INPP5A: variants seen among roughly 807,000 people sequenced by gnomAD.
INPP5A encodes 43 kDa inositol polyphosphate 5-phophatase.
INPP5A carries 14 observed loss-of-function variants against 65.2 expected under a neutral mutation model. The ratio of observed to expected loss-of-function variants is 0.21; its 90% confidence interval spans 0.14 to 0.34. INPP5A has a LOEUF of 0.34. Ranked by LOEUF, INPP5A falls within the 10% of genes least tolerant of loss-of-function variation. INPP5A has a pLI of 1.00. For missense variants in INPP5A, 431 were observed against 545.6 expected (o/e 0.79, Z 2.09); for synonymous variants, 207 against 208.3 (o/e 0.99, Z 0.05).
chr10:132,739,714 C>T (rs1353974524), intron 9 of INPP5A, among the ~76,000 whole-genome samples: 4 of 152,196 alleles, frequency 2.6e-5, no homozygotes, highest in Non-Finnish European at 5.9e-5. Flanking sequence ...AGTCTGGAGC[C>T]TCCGGGAGTT....
chr10:132,725,635 A>G (rs2767455), intron 8 of INPP5A, among the ~76,000 whole-genome samples: 151,326 of 152,368 alleles, frequency 0.99, 75,149 homozygotes, highest in Middle Eastern at 1. Flanking sequence ...ACCAGCTCCA[A>G]GAGGGCACAG....
intron 1 of INPP5A, among the ~76,000 whole-genome samples, chr10:132,554,103 T>A (rs888077394): frequency 4.6e-5 from 7 of 152,062 alleles, no homozygotes; most frequent in Non-Finnish European, 1.0e-4. Context: ...TGGTGGAATA[T>A]TGAGTGGGAT....
chr10:132,568,863 T>C (rs2071303964), intron 1 of INPP5A, among the ~76,000 whole-genome samples: 1 of 151,654 alleles, frequency 6.6e-6, no homozygotes, highest in Non-Finnish European at 1.5e-5. Context: ...TTACTACATA[T>C]ATTTGCAAAG....
In INPP5A at chr10:132,720,445, C is replaced by T. The variant is rs372119574; in HGVS notation, c.648-6376C>T. 7.3e-3 allele frequency among the ~76,000 whole-genome samples: 1,041 copies of T among 143,466 alleles called. 6 individuals are homozygous for T. The highest frequency in any genetic ancestry group is 9.4e-3 in the Non-Finnish European group (618 of 66,056). 94.1% of individuals were successfully genotyped at this position (143,466 alleles called of 152,430 possible). A position where few individuals can be genotyped will look rare whatever the true frequency, so the allele number is the denominator to read the frequency against. On this transcript the variant is annotated intron_variant, in intron 8 of 15. Coordinates refer to ENST00000368594, the MANE Select transcript of INPP5A (RefSeq NM_005539.5). ...CTGGGTTCTGTCTGGGCGCCTTAGA[C>T]GGCTGTCTTCAGGGTTCTGTGGTAC...
intron 1 of INPP5A, among the ~76,000 whole-genome samples, chr10:132,607,364 C>T (rs1287671155): frequency 6.6e-6 from 1 of 152,234 alleles, no homozygotes; most frequent in Non-Finnish European, 1.5e-5. Context: ...ATGGCTCTAG[C>T]AAGTGCTTTC....
At chr10:132,558,357 G>C (rs955533708) in intron 1 of INPP5A, among the ~76,000 whole-genome samples, 1 of 152,198 alleles carries the variant, frequency 6.6e-6, no homozygotes, top group African/African-American at 2.4e-5. Flanking sequence ...GCTAATCATG[G>C]TTAATCCCAC....
intron 2 of INPP5A, among the ~76,000 whole-genome samples, chr10:132,629,438 T>C (rs2072235280): frequency 6.6e-6 from 1 of 152,224 alleles, no homozygotes. Flanking sequence ...TGGCTGAAGA[T>C]AAAAATCTCA....
At chr10:132,613,241 GCCACGGCCCACAGGACCC>G (rs914038890) in intron 2 of INPP5A, among the ~76,000 whole-genome samples, 13 of 152,114 alleles carry the variant, frequency 8.5e-5, no homozygotes, top group Non-Finnish European at 1.8e-4. Context: ...CCCCTGGAAC[GCCACGGCCCACAGGACCC>G]CCTCCTTCCC....
intron 7 of INPP5A, chr10:132,708,569 G>A: frequency 1.4e-6 from 1 of 705,432 alleles, no homozygotes; most frequent in Non-Finnish European, 2.7e-6. Flanking sequence ...CTGTAAGTCA[G>A]ACATCTGGGT....
intron 9 of INPP5A, among the ~76,000 whole-genome samples, chr10:132,738,717 G>A (rs568514313): frequency 6.6e-6 from 1 of 152,344 alleles, no homozygotes; most frequent in East Asian, 1.9e-4. Flanking sequence ...CTTGGGAGAG[G>A]ACATGAAAGA....
intron 1 of INPP5A, 106 bp from the exon 2 acceptor site, chr10:132,607,809 G>C: frequency 8.7e-7 from 1 of 1,147,328 alleles, no homozygotes; most frequent in Non-Finnish European, 1.3e-6. Flanking sequence ...GGCCCGGGCT[G>C]CGCCTCTGCT....
chr10:132,777,694 G>T lies in INPP5A; in HGVS notation c.1001G>T (p.Arg334Leu). The T allele has an allele frequency of 6.2e-7, 1 of 1,612,896 alleles. No homozygotes were observed. The highest frequency in any genetic ancestry group is 8.5e-7 in the Non-Finnish European group (1 of 1,179,956). The part of the protein sequence containing the change: ...PPSYPYSEDA[R>L]QGEQYMNTRC... ...AGCTACCCGTACAGTGAGGACGCCC[G>T]CCAGGGTGAGCAGTACATGAACACC... Residue 334 changes from arginine (R) to leucine (L), a missense_variant, in exon 13 of 16, where the codon CGC becomes CTC. Transcript: ENST00000368594.
chr10:132,685,551 G>A (rs147436137), intron 4 of INPP5A, among the ~76,000 whole-genome samples: 16 of 152,242 alleles, frequency 1.1e-4, no homozygotes, highest in African/African-American at 2.7e-4. Context: ...TGCTTTGGTC[G>A]TTCACCTGAT....
chr10:132,726,890 C>T lies in INPP5A; in HGVS notation c.717C>T (p.Ser239=). ...VFGDFNFRLD[S]KSVVETLCTK... is the part of the protein sequence containing the mutation. The stretch of plus-strand genomic sequence containing the variant: ...GTGATTTCAACTTCCGGCTGGATTC[C>T]AAGTCCGTCGTGGAGGTAGGCGCTG... The change falls in exon 9 of 16, where the codon TCC becomes TCT. Residue 239 remains serine (S), a synonymous_variant. Coordinates refer to ENST00000368594, the MANE Select transcript of INPP5A (RefSeq NM_005539.5). The T allele has an allele frequency of 6.2e-7, 1 of 1,609,804 alleles. No individual in the cohort carries two copies. The highest frequency in any genetic ancestry group is 8.5e-7 in the Non-Finnish European group (1 of 1,176,706).
chr10:132,648,884 A>T (rs905081903), intron 3 of INPP5A, among the ~76,000 whole-genome samples: 1 of 152,146 alleles, frequency 6.6e-6, no homozygotes, highest in African/African-American at 2.4e-5. Context: ...GGGCCGTTTG[A>T]GCATTTGCAG....
At chr10:132,764,532 G>T (rs549492128) in intron 11 of INPP5A, among the ~76,000 whole-genome samples, 3 of 142,704 alleles carry the variant, frequency 2.1e-5, no homozygotes, top group Non-Finnish European at 4.6e-5. Context: ...ACACGGTCGG[G>T]CCAGTCCTGC....
intron 1 of INPP5A, among the ~76,000 whole-genome samples, chr10:132,539,921 T>C (rs904230105): frequency 2.0e-5 from 3 of 152,234 alleles, no homozygotes; most frequent in Non-Finnish European, 4.4e-5. Context: ...CAGGTGCCCA[T>C]GTATTATACT....
At chr10:132,690,310 G>T in intron 4 of INPP5A, 82 bp from the exon 5 acceptor site, 2 of 936,872 alleles carry the variant, frequency 2.1e-6, no homozygotes, top group East Asian at 4.8e-5. Flanking sequence ...TAGTTTAAAA[G>T]AGCTTCTTTT....
intron 1 of INPP5A, among the ~76,000 whole-genome samples, chr10:132,562,432 C>T (rs1226225288): frequency 6.6e-6 from 1 of 152,238 alleles, no homozygotes; most frequent in East Asian, 1.9e-4. Context: ...TGGCTCCCCC[C>T]ATGAGGTGCG....
Sources: allele counts gnomAD v4.1 joint callset (sites outside exome capture counted in the v4.1 genomes callset), GRCh38; gene constraint gnomAD v4.1.1; transcripts MANE v1.5; gene names NCBI Gene and HGNC (gene_info 2026-07-23, HGNC 2026-07-21).